The following USP18 variants were observed in gnomAD, a reference collection of about 807,000 sequenced individuals.
USP18 encodes ubl carboxyl-terminal hydrolase 18.
USP18 carries 11 observed loss-of-function variants against 48.7 expected under a neutral mutation model. That is an observed-to-expected ratio of 0.23 (90% CI 0.14 to 0.37). The LOEUF (loss-of-function observed/expected upper bound fraction) is 0.37, where lower values mean the gene tolerates loss of function less well. Among genes scored for constraint, USP18 ranks in the 10% least tolerant of loss-of-function variants. USP18 has a pLI of 1.00. For missense variants in USP18, 285 were observed against 436.4 expected, an observed-to-expected ratio of 0.65 and a Z score of 3.09; for synonymous variants, 114 against 163.2, an observed-to-expected ratio of 0.70 and a Z score of 2.30.
At chr22:18,161,276 C>T (rs12169260) in intron 3 of USP18, among the ~76,000 whole-genome samples, 4 of 136,610 alleles carry the variant, frequency 2.9e-5, no homozygotes, top group Admixed American at 1.5e-4. Context: ...CTTTTCTGCC[C>T]TGTGCTCTCT....
chr22:18,169,807 C>G (rs1319853006), intron 6 of USP18, 37 bp from the exon 7 acceptor site: 2 of 1,551,004 alleles, frequency 1.3e-6, no homozygotes, highest in Non-Finnish European at 1.7e-6. Context: ...TGGGAAATAC[C>G]AACGCTGCTT....
At chr22:18,160,063 C>G (rs1483224546) in intron 2 of USP18, 109 bp from the exon 3 acceptor site, 2 of 1,038,012 alleles carry the variant, frequency 1.9e-6, no homozygotes. Flanking sequence ...ATCCGCCCAC[C>G]TCGGCCTCCC....
chr22:18,166,735 G>A (rs1929486508), intron 4 of USP18, among the ~76,000 whole-genome samples: 1 of 151,466 alleles, frequency 6.6e-6, no homozygotes, highest in Admixed American at 6.6e-5. Context: ...TAGATCCTCA[G>A]GAATGTATCA....
Position 18,174,303 on chromosome 22 carries a change from C to T in USP18, c.1073+461C>T, listed in dbSNP as rs115029688. ...TGTAGTGGCACAATCTTGGCTACTACACTTGGCTCCTCCTCCCAGGTTCAA... is the reference window on the plus strand; with the variant it reads ...TGTAGTGGCACAATCTTGGCTACTATACTTGGCTCCTCCTCCCAGGTTCAA... On this transcript the variant is annotated intron_variant, in intron 10 of 10. Coordinates refer to ENST00000215794, the MANE Select transcript of USP18 (RefSeq NM_017414.4). Among the ~76,000 whole-genome samples the T allele has an allele frequency of 9.8e-3, 1,477 of 150,872 alleles. 20 individuals are homozygous for T. The highest frequency in any genetic ancestry group is 0.034 in the African/African-American group (1,388 of 40,974).
chr22:18,163,707 C>G (rs113229475), intron 4 of USP18, among the ~76,000 whole-genome samples: 1 of 151,988 alleles, frequency 6.6e-6, no homozygotes, highest in Non-Finnish European at 1.5e-5. Flanking sequence ...TCTTGTCCCA[C>G]GGGCCTTGTA....
chr22:18,157,835 C>T lies in USP18; in HGVS notation c.157+15C>T, dbSNP rs1461149595. The T allele has an allele frequency of 9.3e-6, 15 of 1,613,706 alleles. No individual in the cohort carries two copies. Among genetic ancestry groups the T allele is most frequent in the African/African-American group, 1.3e-5 (1 of 74,884 alleles). On this transcript the variant is annotated intron_variant, in intron 2 of 10. Coordinates refer to ENST00000215794, the MANE Select transcript of USP18 (RefSeq NM_017414.4). ...CTACCCTCATGGTCATTAGACCCCT[C>T]CCGTTTTCCTCTTCTTGACTGCATG...
At chr22:18,151,774 A>G (rs1450050048) in intron 1 of USP18, among the ~76,000 whole-genome samples, 2 of 152,144 alleles carry the variant, frequency 1.3e-5, no homozygotes, top group African/African-American at 2.4e-5. Context: ...AATGCAAAAT[A>G]GGCCGGGCGC....
intron 7 of USP18, among the ~76,000 whole-genome samples, chr22:18,170,234 TC>T: frequency 6.6e-6 from 1 of 151,698 alleles, no homozygotes; most frequent in Admixed American, 6.6e-5. Context: ...CCCGTGCTGT[TC>T]AGGGGTCATC....
At chr22:18,174,233 CT>C (rs1383221696) in intron 10 of USP18, among the ~76,000 whole-genome samples, 121 of 136,392 alleles carry the variant, frequency 8.9e-4, no homozygotes, top group Admixed American at 8.8e-4. Flanking sequence ...CTTTTCTTTT[CT>C]TTTTTTTTTT....
intron 1 of USP18, among the ~76,000 whole-genome samples, chr22:18,155,464 G>T (rs1929105137): frequency 6.6e-6 from 1 of 152,244 alleles, no homozygotes; most frequent in Admixed American, 6.5e-5. Context: ...CACTGTGGGA[G>T]CCCCTTCCTG....
At chr22:18,151,076 A>G (rs919606780) in intron 1 of USP18, among the ~76,000 whole-genome samples, 3 of 151,040 alleles carry the variant, frequency 2.0e-5, no homozygotes, top group Non-Finnish European at 4.4e-5. Flanking sequence ...TTATGTATAC[A>G]TTCATACAAA....
At chr22:18,163,729 C>T (rs563813786) in intron 4 of USP18, among the ~76,000 whole-genome samples, 1 of 152,254 alleles carries the variant, frequency 6.6e-6, no homozygotes, top group Admixed American at 6.5e-5. Flanking sequence ...AAGAGACGAA[C>T]TTACCAATTA....
intron 9 of USP18, 67 bp downstream of exon 9, chr22:18,173,348 G>C (rs1348434269): frequency 6.3e-7 from 1 of 1,585,698 alleles, no homozygotes; most frequent in Non-Finnish European, 8.6e-7. Flanking sequence ...GCTGGGCTCA[G>C]GGCTGCGTGG....
chr22:18,153,037 G>A (rs1413133098), intron 1 of USP18, among the ~76,000 whole-genome samples: 1 of 152,170 alleles, frequency 6.6e-6, no homozygotes, highest in East Asian at 1.9e-4. Flanking sequence ...CTCCTAGGCT[G>A]GGCCTTGTAA....
intron 6 of USP18, among the ~76,000 whole-genome samples, chr22:18,169,520 G>A (rs1261978786): frequency 6.6e-6 from 1 of 152,210 alleles, no homozygotes; most frequent in African/African-American, 2.4e-5. Context: ...AGATTGCGGT[G>A]AACTGAGATC....
intron 8 of USP18, among the ~76,000 whole-genome samples, chr22:18,171,691 T>G (rs924419037): frequency 4.6e-5 from 7 of 152,090 alleles, no homozygotes; most frequent in African/African-American, 1.7e-4. Context: ...TCCATAGATT[T>G]GAAATGCTAC....
chr22:18,160,041 C>T (rs1461352413), intron 2 of USP18, 131 bp from the exon 3 acceptor site: 18 of 840,832 alleles, frequency 2.1e-5, no homozygotes, highest in East Asian at 2.0e-4. Context: ...CTCGAACTCC[C>T]GACCTCAGGT....
chr22:18,159,049 T>C (rs998911690), intron 2 of USP18, among the ~76,000 whole-genome samples: 3 of 152,202 alleles, frequency 2.0e-5, no homozygotes, highest in Admixed American at 6.5e-5. Flanking sequence ...TTTCTTGTTA[T>C]CGAACTTTTT....
At chr22:18,158,267 GAC>G (rs1929226562) in intron 2 of USP18, among the ~76,000 whole-genome samples, 1 of 152,190 alleles carries the variant, frequency 6.6e-6, no homozygotes, top group African/African-American at 2.4e-5. Context: ...CAGCCTGGGT[GAC>G]AGAGTGAGAC....
Sources: gnomAD v4.1 joint callset for allele counts (sites outside exome capture counted in the v4.1 genomes callset) on GRCh38, gnomAD v4.1.1 for gene constraint, MANE v1.5 for transcripts, NCBI Gene and HGNC (gene_info 2026-07-23, HGNC 2026-07-21) for gene names.